CCSER1: variants seen among roughly 807,000 people sequenced by gnomAD.
CCSER1 encodes coiled-coil serine rich protein 1.
Under a neutral mutation model 82.0 loss-of-function variants are expected in CCSER1, and 41 were observed. The observed-to-expected ratio is 0.50, with a 90% confidence interval of 0.39 to 0.65. The LOEUF (loss-of-function observed/expected upper bound fraction) is 0.65, where lower values mean the gene tolerates loss of function less well. CCSER1 is among the 30% of genes least tolerant of loss of function. CCSER1 has a pLI of 0.00. For synonymous variants in CCSER1, 414 were observed against 383.9 expected, an observed-to-expected ratio of 1.08 and a Z score of -0.92; for missense variants, 1,119 against 1,064.2, an observed-to-expected ratio of 1.05 and a Z score of -0.72.
intron 10 of CCSER1, among the ~76,000 whole-genome samples, chr4:91,285,746 G>T (rs536337882): frequency 1.3e-5 from 2 of 151,944 alleles, no homozygotes; most frequent in South Asian, 4.1e-4. Flanking sequence ...TTTTCTTTTA[G>T]TCAAATGCAA....
intron 1 of CCSER1, among the ~76,000 whole-genome samples, chr4:90,157,812 G>T (rs1728566395): frequency 6.6e-6 from 1 of 152,046 alleles, no homozygotes; most frequent in Non-Finnish European, 1.5e-5. Flanking sequence ...CTTTGCCTTT[G>T]GTTTGAATTT....
intron 10 of CCSER1, among the ~76,000 whole-genome samples, chr4:91,344,038 G>T (rs1267580210): frequency 6.6e-6 from 1 of 152,164 alleles, no homozygotes; most frequent in Non-Finnish European, 1.5e-5. Flanking sequence ...TACTATGGTT[G>T]GATGTTTGTG....
chr4:91,341,899 C>T (rs1747745516), intron 10 of CCSER1, among the ~76,000 whole-genome samples: 1 of 152,040 alleles, frequency 6.6e-6, no homozygotes, highest in African/African-American at 2.4e-5. Flanking sequence ...AGACTTTTAC[C>T]AGGACTTTTG....
chr4:91,213,562 T>C (rs1330278840), intron 10 of CCSER1, among the ~76,000 whole-genome samples: 1 of 135,724 alleles, frequency 7.4e-6, no homozygotes, highest in African/African-American at 3.3e-5. Context: ...GACATTGCAC[T>C]TTAAGTGGCA....
intron 10 of CCSER1, among the ~76,000 whole-genome samples, chr4:91,359,805 G>A (rs948805856): frequency 6.6e-5 from 10 of 151,838 alleles, no homozygotes; most frequent in Non-Finnish European, 1.2e-4. Context: ...TCGTTAACAA[G>A]AGCAGTTGTC....
chr4:91,223,220 T>C (rs1341015074), intron 10 of CCSER1, among the ~76,000 whole-genome samples: 4 of 152,062 alleles, frequency 2.6e-5, no homozygotes, highest in Admixed American at 6.6e-5. Context: ...AGGCAATAGA[T>C]AGTGAGTTCG....
chr4:90,774,900 G>A (rs1158204393), intron 7 of CCSER1, among the ~76,000 whole-genome samples: 4 of 152,076 alleles, frequency 2.6e-5, no homozygotes, highest in Admixed American at 2.0e-4. Context: ...GGACCTGTAG[G>A]TAAGAGTACA....
Position 90,596,252 on chromosome 4 carries a change from A to G in CCSER1, c.1725-31773A>G, listed in dbSNP as rs1306456356. On this transcript the variant is annotated intron_variant, in intron 5 of 10. Transcript: ENST00000509176. ...AAAAAATTTAAATGAAAATATTAAA[A>G]TCAAGTCAAATTATTTATGATCATT... Among the ~76,000 whole-genome samples, 3 of 152,110 alleles carry G rather than the reference A, an allele frequency of 2.0e-5. No homozygotes were observed. The East Asian group carries it at 5.8e-4, about 29-fold the overall frequency.
At chr4:91,512,215 G>A (rs779705801) in intron 10 of CCSER1, among the ~76,000 whole-genome samples, 40 of 152,086 alleles carry the variant, frequency 2.6e-4, no homozygotes, top group African/African-American at 7.5e-4. Context: ...TTGAATCAGC[G>A]CACTGGGAGA....
At chr4:91,432,153 C>T (rs1424280451) in intron 10 of CCSER1, among the ~76,000 whole-genome samples, 2 of 152,144 alleles carry the variant, frequency 1.3e-5, no homozygotes, top group Non-Finnish European at 2.9e-5. Flanking sequence ...AAGGTTCTTG[C>T]TTCTTCTTTG....
chr4:91,183,731 T>G (rs954953276), intron 10 of CCSER1, among the ~76,000 whole-genome samples: 2 of 152,172 alleles, frequency 1.3e-5, no homozygotes, highest in African/African-American at 2.4e-5. Flanking sequence ...TTGAAAAAAT[T>G]AGCAAATCTG....
intron 5 of CCSER1, among the ~76,000 whole-genome samples, chr4:90,584,303 T>A (rs1273996328): frequency 6.6e-6 from 1 of 152,178 alleles, no homozygotes; most frequent in African/African-American, 2.4e-5. Context: ...GAAGATTTGA[T>A]GTAGCTTTGC....
intron 10 of CCSER1, among the ~76,000 whole-genome samples, chr4:91,348,140 A>G (rs1479612486): frequency 2.0e-5 from 3 of 152,110 alleles, no homozygotes; most frequent in African/African-American, 7.2e-5. Flanking sequence ...AAATTGAGAA[A>G]GTTCCTATTT....
chr4:91,498,519 C>T (rs1045484811), intron 10 of CCSER1, among the ~76,000 whole-genome samples: 1 of 151,382 alleles, frequency 6.6e-6, no homozygotes, highest in Admixed American at 6.6e-5. Flanking sequence ...TTCTCTTTCT[C>T]CATCTTAAAT....
At chr4:90,562,851 TTA>T (rs1701524750) in intron 5 of CCSER1, among the ~76,000 whole-genome samples, 5 of 137,748 alleles carry the variant, frequency 3.6e-5, no homozygotes, top group Admixed American at 7.1e-5. Flanking sequence ...CTTTTTTTTT[TTA>T]AAAAAAAAAA....
intron 6 of CCSER1, among the ~76,000 whole-genome samples, chr4:90,691,790 T>G (rs1276045328): frequency 6.6e-6 from 1 of 151,754 alleles, no homozygotes; most frequent in Non-Finnish European, 1.5e-5. Context: ...ATACGGATTA[T>G]TTCATCACCC....
chr4:90,982,884 T>TA (rs2150425858), intron 9 of CCSER1, among the ~76,000 whole-genome samples: 1 of 151,848 alleles, frequency 6.6e-6, no homozygotes, highest in South Asian at 2.1e-4. Flanking sequence ...AAAAAAAAGA[T>TA]AGAGTCCTTA....
intron 5 of CCSER1, among the ~76,000 whole-genome samples, chr4:90,508,550 G>A (rs1771038593): frequency 6.6e-6 from 1 of 151,974 alleles, no homozygotes; most frequent in South Asian, 2.1e-4. Flanking sequence ...CCTCAAGAAA[G>A]GAGCAAACTC....
At chr4:90,246,869 T>A (rs2153437906) in intron 1 of CCSER1, among the ~76,000 whole-genome samples, 1 of 152,294 alleles carries the variant, frequency 6.6e-6, no homozygotes, top group South Asian at 2.1e-4. Context: ...TAGGGTTTTT[T>A]TTTCTTTCTT....
Sources: allele counts gnomAD v4.1 joint callset (sites outside exome capture counted in the v4.1 genomes callset), GRCh38; gene constraint gnomAD v4.1.1; transcripts MANE v1.5; gene names NCBI Gene and HGNC (gene_info 2026-07-23, HGNC 2026-07-21).